Variants in CCDC73 observed in about 807,000 individuals in gnomAD.
CCDC73 encodes the protein coiled-coil domain containing 73, also known as coiled-coil domain-containing protein 73.
CCDC73 carries 95 observed loss-of-function variants against 116.5 expected under a neutral mutation model. The observed-to-expected ratio is 0.82, with a 90% CI of 0.69 to 0.97. The LOEUF (loss-of-function observed/expected upper bound fraction) is 0.97, where lower values mean the gene tolerates loss of function less well. CCDC73 is among the 50% of genes least tolerant of loss of function. CCDC73 has a pLI of 0.00. For synonymous variants in CCDC73, 398 were observed against 401.3 expected (o/e 0.99, Z 0.10); for missense variants, 1,066 against 1,206.8 (o/e 0.88, Z 1.73).
At chr11:32,684,703 A>T (rs931653667) in intron 6 of CCDC73, among the ~76,000 whole-genome samples, 3 of 152,152 alleles carry the variant, frequency 2.0e-5, no homozygotes, top group Non-Finnish European at 4.4e-5. Flanking sequence ...GGCTTTTTTA[A>T]ACTGTTACAA....
At chr11:32,622,766 TAC>T (rs1353759022) in intron 14 of CCDC73, among the ~76,000 whole-genome samples, 1 of 151,228 alleles carries the variant, frequency 6.6e-6, no homozygotes, top group Non-Finnish European at 1.5e-5. Context: ...ATATATATAA[TAC>T]ACACAGTGCA....
chr11:32,778,515 T>C (rs927458994), intron 1 of CCDC73, among the ~76,000 whole-genome samples: 1 of 152,096 alleles, frequency 6.6e-6, no homozygotes, highest in Admixed American at 6.6e-5. Flanking sequence ...ATCTTTTGTA[T>C]TAAGAATCAG....
intron 7 of CCDC73, among the ~76,000 whole-genome samples, chr11:32,678,621 C>A (rs1478041241): frequency 6.6e-6 from 1 of 152,050 alleles, no homozygotes; most frequent in Non-Finnish European, 1.5e-5. Flanking sequence ...CATGGTGGCT[C>A]ACGTCTGTAA....
At chr11:32,622,847 G>A (rs1381255926) in intron 14 of CCDC73, among the ~76,000 whole-genome samples, 3 of 151,456 alleles carry the variant, frequency 2.0e-5, no homozygotes, top group African/African-American at 7.3e-5. Context: ...AAAGTGGCCT[G>A]AGAGGTAAAG....
At chr11:32,694,823 T>TA (rs200340897) in intron 6 of CCDC73, among the ~76,000 whole-genome samples, 6 of 151,522 alleles carry the variant, frequency 4.0e-5, no homozygotes, top group Admixed American at 2.0e-4. Flanking sequence ...CAAGAGACTG[T>TA]AAAAAAAAAT....
chr11:32,770,680 T>C (rs750301350), intron 1 of CCDC73, among the ~76,000 whole-genome samples: 48 of 151,772 alleles, frequency 3.2e-4, no homozygotes, highest in Non-Finnish European at 5.9e-4. Flanking sequence ...ACTTGAAAGA[T>C]AGAAAATGTA....
chr11:32,802,131 G>T, the CCDC73 span, among the ~76,000 whole-genome samples: 1 of 152,066 alleles, frequency 6.6e-6, no homozygotes, highest in Non-Finnish European at 1.5e-5. Context: ...CTATAAAAAA[G>T]ATATTTTCTA....
intron 16 of CCDC73, among the ~76,000 whole-genome samples, chr11:32,612,918 G>A (rs549399648): frequency 4.2e-4 from 64 of 152,160 alleles, no homozygotes; most frequent in African/African-American, 1.5e-3. Context: ...TTTTAAGACA[G>A]AACAATCTCT....
chr11:32,682,965 G>C (rs906326744), intron 7 of CCDC73: 1 of 155,192 alleles, frequency 6.4e-6, no homozygotes, highest in Non-Finnish European at 1.4e-5. Flanking sequence ...ATAATTACAT[G>C]TTTACATAAA....
chr11:32,607,943 T>C (rs1855377004), intron 17 of CCDC73, among the ~76,000 whole-genome samples: 1 of 152,196 alleles, frequency 6.6e-6, no homozygotes, highest in South Asian at 2.1e-4. Flanking sequence ...ACTCCCACTT[T>C]TAAAGCCATC....
At chr11:32,696,818 G>A (rs990744028) in intron 6 of CCDC73, among the ~76,000 whole-genome samples, 4 of 150,616 alleles carry the variant, frequency 2.7e-5, no homozygotes, top group African/African-American at 4.9e-5. Context: ...TTTCCCTAGA[G>A]TTTCTGATCA....
intron 3 of CCDC73, among the ~76,000 whole-genome samples, chr11:32,714,279 T>C (rs1480917726): frequency 1.3e-5 from 2 of 152,082 alleles, no homozygotes; most frequent in Non-Finnish European, 2.9e-5. Context: ...TACTCCCCTA[T>C]ATTCATTGGC....
intron 2 of CCDC73, among the ~76,000 whole-genome samples, chr11:32,738,417 C>T (rs1367858231): frequency 6.6e-6 from 1 of 152,126 alleles, no homozygotes. Context: ...GAGATGGTAT[C>T]TCATTGTAGT....
chr11:32,649,945 T>C (rs1373168721), intron 12 of CCDC73, among the ~76,000 whole-genome samples: 1 of 152,192 alleles, frequency 6.6e-6, no homozygotes, highest in African/African-American at 2.4e-5. Flanking sequence ...AGCTTCTCTA[T>C]ATACTATCAA....
At chr11:32,648,574 G>A (rs1289396714) in intron 12 of CCDC73, among the ~76,000 whole-genome samples, 2 of 149,300 alleles carry the variant, frequency 1.3e-5, no homozygotes, top group Non-Finnish European at 3.0e-5. Context: ...TTTTTGAGAC[G>A]GAGTTTCACT....
At chr11:32,767,219 A>G (rs1389064671) in intron 1 of CCDC73, among the ~76,000 whole-genome samples, 3 of 152,176 alleles carry the variant, frequency 2.0e-5, no homozygotes, top group African/African-American at 7.2e-5. Flanking sequence ...AAGAAATGGG[A>G]AAAGGAGTCC....
intron 2 of CCDC73, among the ~76,000 whole-genome samples, chr11:32,730,666 C>T (rs1352994627): frequency 1.3e-5 from 2 of 152,094 alleles, no homozygotes; most frequent in East Asian, 1.9e-4. Flanking sequence ...CTGGGCTTCA[C>T]AGAGCTTCTT....
rs1310604039 is a variant in CCDC73 at position 32,758,642 on chromosome 11, A to G, written c.135+1467T>C. 21 of 314,322 alleles carry G rather than the reference A, an allele frequency of 6.7e-5. No individual in the cohort carries two copies. In the East Asian group the frequency reaches 8.5e-4, roughly 13 times the overall value. 19.5% of individuals were successfully genotyped at this position (314,322 alleles called of 1,614,324 possible). A position where few individuals can be genotyped will look rare whatever the true frequency, so the allele number is the denominator to read the frequency against. The stretch of plus-strand genomic sequence containing the variant: ...TTAAAATGAAGCTTTCTTGGGTAAT[A>G]AAAGAAAAAAAAAACGCTATTCCTT... On this transcript the variant is annotated intron_variant, in intron 2 of 17. Transcript: ENST00000335185.
At chr11:32,806,488 G>A in the CCDC73 span, among the ~76,000 whole-genome samples, 1 of 152,042 alleles carries the variant, frequency 6.6e-6, no homozygotes, top group Non-Finnish European at 1.5e-5. Flanking sequence ...GCCAGGCGAG[G>A]TGGTGCACAC....
Sources: gnomAD v4.1 joint callset for allele counts (sites outside exome capture counted in the v4.1 genomes callset) on GRCh38, gnomAD v4.1.1 for gene constraint, MANE v1.5 for transcripts, NCBI Gene and HGNC (gene_info 2026-07-23, HGNC 2026-07-21) for gene names.